STK32C: variants seen among roughly 807,000 people sequenced by gnomAD.
The protein encoded by STK32C is serine/threonine-protein kinase 32C.
A neutral mutation model predicts 56.5 loss-of-function variants in STK32C; 31 were observed. That is an observed-to-expected ratio of 0.55 (90% CI 0.41 to 0.74). The LOEUF (loss-of-function observed/expected upper bound fraction) is 0.74, where lower values mean the gene tolerates loss of function less well. Among genes scored for constraint, STK32C ranks in the 30% least tolerant of loss-of-function variants. The pLI is 0.00. For synonymous variants in STK32C, 309 were observed against 289.4 expected, an observed-to-expected ratio of 1.07 and a Z score of -0.69; for missense variants, 544 against 676.9, an observed-to-expected ratio of 0.80 and a Z score of 2.18.
chr10:132,245,293 G>A (rs72856739), intron 2 of STK32C, among the ~76,000 whole-genome samples: 5 of 152,332 alleles, frequency 3.3e-5, no homozygotes, highest in South Asian at 2.1e-4. Flanking sequence ...ACAGAGCTGC[G>A]CGCAGAAGCC....
chr10:132,314,524 G>A (rs2066279584), intron 1 of STK32C, among the ~76,000 whole-genome samples: 1 of 152,138 alleles, frequency 6.6e-6, no homozygotes. Context: ...AAACGTAAAT[G>A]GACTACGCAC....
intron 10 of STK32C, among the ~76,000 whole-genome samples, chr10:132,210,285 C>T (rs1002692538): frequency 3.3e-5 from 5 of 152,220 alleles, no homozygotes; most frequent in Admixed American, 2.0e-4. Flanking sequence ...TATTTTTGGT[C>T]TCGCTCTGTC....
At chr10:132,256,544 C>T (rs917796103) in intron 1 of STK32C, among the ~76,000 whole-genome samples, 7 of 152,194 alleles carry the variant, frequency 4.6e-5, no homozygotes, top group Non-Finnish European at 8.8e-5. Flanking sequence ...AGGCTCAGGC[C>T]TGAGACCGCA....
At chr10:132,212,274 G>A (rs1385379581) in intron 10 of STK32C, among the ~76,000 whole-genome samples, 2 of 152,082 alleles carry the variant, frequency 1.3e-5, no homozygotes, top group African/African-American at 2.4e-5. Context: ...GGGATAAAAC[G>A]GCAAGTCAAA....
chr10:132,246,082 G>T (rs1413971788), intron 1 of STK32C, 127 bp from the exon 2 acceptor site: 2 of 947,916 alleles, frequency 2.1e-6, no homozygotes, highest in East Asian at 2.5e-5. Context: ...GAGGGTCGCC[G>T]TGGGGCGGGC....
intron 2 of STK32C, among the ~76,000 whole-genome samples, chr10:132,244,975 C>T (rs2063634041): frequency 6.6e-6 from 1 of 152,188 alleles, no homozygotes; most frequent in African/African-American, 2.4e-5. Flanking sequence ...TCTTGGTGCA[C>T]GGGAGCTTTC....
chr10:132,302,030 C>T (rs972931600), intron 1 of STK32C, among the ~76,000 whole-genome samples: 1 of 152,194 alleles, frequency 6.6e-6, no homozygotes, highest in African/African-American at 2.4e-5. Flanking sequence ...GGCCCCACCC[C>T]AGGCCGGCTG....
At chr10:132,251,253 A>T (rs1192449317) in intron 1 of STK32C, among the ~76,000 whole-genome samples, 2 of 152,116 alleles carry the variant, frequency 1.3e-5, no homozygotes, top group Non-Finnish European at 2.9e-5. Context: ...GTCCGCTCTC[A>T]TGGGGGCCCG....
At chr10:132,324,724 T>A (rs982649906) in intron 1 of STK32C, among the ~76,000 whole-genome samples, 3 of 152,244 alleles carry the variant, frequency 2.0e-5, no homozygotes, top group African/African-American at 7.2e-5. Flanking sequence ...TGAGTGACCA[T>A]GGCCCAAGGC....
chr10:132,296,717 C>T (rs1416065233), intron 1 of STK32C, among the ~76,000 whole-genome samples: 1 of 152,176 alleles, frequency 6.6e-6, no homozygotes, highest in African/African-American at 2.4e-5. Flanking sequence ...GGTGGTTAGA[C>T]CGGGCAACCA....
At chr10:132,258,299 C>G (rs1590294895) in intron 1 of STK32C, among the ~76,000 whole-genome samples, 1 of 152,250 alleles carries the variant, frequency 6.6e-6, no homozygotes, top group East Asian at 1.9e-4. Context: ...CTGATTTTCA[C>G]ACACATTAGC....
At chr10:132,238,488 G>A (rs959195066) in intron 2 of STK32C, among the ~76,000 whole-genome samples, 1 of 152,212 alleles carries the variant, frequency 6.6e-6, no homozygotes, top group Non-Finnish European at 1.5e-5. Flanking sequence ...AGCAGGGAAA[G>A]GCGGGGAAAG....
intron 6 of STK32C, 21 bp downstream of exon 6, chr10:132,225,506 G>A (rs762871806): frequency 1.9e-6 from 3 of 1,613,556 alleles, no homozygotes; most frequent in Non-Finnish European, 2.5e-6. Context: ...GCTCCCATCT[G>A]GAACCCCAGC....
chr10:132,239,995 G>T (rs1208229026), intron 2 of STK32C, among the ~76,000 whole-genome samples: 2 of 152,206 alleles, frequency 1.3e-5, no homozygotes, highest in Non-Finnish European at 2.9e-5. Flanking sequence ...GGAAGAAACG[G>T]AGCTGCCTGT....
chr10:132,307,667 C>T lies in STK32C; in HGVS notation c.167G>A (p.Arg56His). ...RDSGDVRSQP[R>H]PLFQWSKWKK... The stretch of plus-strand genomic sequence containing the variant: ...CCACTTGCTCCACTGAAACAGGGGG[C>T]GCGGCTGCGAGCGGACATCGCCCGA... The change falls in exon 1 of 12, where the codon CGC becomes CAC. Residue 56 changes from arginine to histidine, a missense_variant. By Grantham distance (29) the Arg-to-His change is conservative (BLOSUM62 0). Transcript: ENST00000298630. This position sits in a 1 kb window ranked among gnomAD's most constrained non-coding sequence, Gnocchi z 4.4. 1.3e-6 allele frequency: 2 copies of T among 1,533,252 alleles called. No homozygotes were observed. The highest frequency in any genetic ancestry group is 1.8e-6 in the Non-Finnish European group (2 of 1,142,006). 95.0% of individuals were successfully genotyped at this position (1,533,252 alleles called of 1,614,324 possible).
rs145767152 is a variant in STK32C, at chr10:132,273,682, G to T, written c.263-27727C>A. On this transcript the variant is annotated intron_variant, in intron 1 of 11. Coordinates refer to ENST00000298630, the MANE Select transcript of STK32C (RefSeq NM_173575.4). Reference sequence around the variant, plus strand: ...GAGTGGAGTTAGCAAATGAGTAAATGAGATGAATGAGTAAATGAACGAGTA... The same window carrying T: ...GAGTGGAGTTAGCAAATGAGTAAATTAGATGAATGAGTAAATGAACGAGTA... Among the ~76,000 whole-genome samples, 130 of 152,332 alleles carry T rather than the reference G, an allele frequency of 8.5e-4. 1 individual carries two copies. The East Asian group carries it at 0.012, about 14-fold the overall frequency.
At chr10:132,289,697 T>C (rs1306219851) in intron 1 of STK32C, among the ~76,000 whole-genome samples, 1 of 152,240 alleles carries the variant, frequency 6.6e-6, no homozygotes, top group Non-Finnish European at 1.5e-5. Flanking sequence ...CTCCATGTTC[T>C]CACAGGGTAG....
At position 132,207,922 on chromosome 10, in the gene STK32C, G is replaced by A. The variant is rs1024388605; in HGVS notation, c.*88C>T. ...ACCGCCAGCCAGGCTGGGTGGGAAC[G>A]TGAATGCCAGGCCTCGGCCCATGGC... On this transcript the variant is annotated 3_prime_UTR_variant, in exon 12 of 12. Coordinates refer to ENST00000298630, the MANE Select transcript of STK32C (RefSeq NM_173575.4). 10 of 1,241,530 alleles carry A rather than the reference G, an allele frequency of 8.1e-6. No homozygotes were observed. The highest frequency in any genetic ancestry group is 1.5e-5 in the African/African-American group (1 of 64,592). 76.9% of individuals were successfully genotyped at this position (1,241,530 alleles called of 1,614,324 possible).
chr10:132,241,453 A>G (rs114163902), intron 2 of STK32C, among the ~76,000 whole-genome samples: 2,947 of 152,334 alleles, frequency 0.019, 90 homozygotes, highest in African/African-American at 0.065. Context: ...CATCAACGGA[A>G]CAAAATGTGA....
Sources: allele counts gnomAD v4.1 joint callset (sites outside exome capture counted in the v4.1 genomes callset), GRCh38; gene constraint gnomAD v4.1.1; non-coding constraint Gnocchi (gnomAD v3.1); transcripts MANE v1.5; gene names NCBI Gene and HGNC (gene_info 2026-07-23, HGNC 2026-07-21).